Variants in PPM1H observed in about 807,000 individuals in gnomAD.
PPM1H encodes the protein protein phosphatase 1H.
A neutral mutation model predicts 54.9 loss-of-function variants in PPM1H; 27 were observed. That is an observed-to-expected ratio of 0.49 (90% CI 0.36 to 0.68). The LOEUF is 0.68. Ranked by LOEUF, PPM1H falls within the 30% of genes least tolerant of loss-of-function variation. The probability of loss-of-function intolerance (pLI) is 0.00; values close to 1 mark genes in which losing one functional copy is unlikely to be tolerated. For missense variants in PPM1H, 596 were observed against 667.8 expected (o/e 0.89, Z 1.19); for synonymous variants, 305 against 270.8 (o/e 1.13, Z -1.24).
rs149081123 is a variant in PPM1H at position 62,760,478 on chromosome 12, C to T, written c.870-22892G>A. 4.0e-3 allele frequency among the ~76,000 whole-genome samples: 602 copies of T among 152,256 alleles called. 6 individuals carry two copies. Among genetic ancestry groups the T allele is most frequent in the African/African-American group, 0.014 (579 of 41,550 alleles). The stretch of plus-strand genomic sequence containing the variant: ...TCCAACTCTTCTTCAGCCTCTGCTC[C>T]CCCACCCTATAACCCTTCTATTACC... On this transcript the variant is annotated intron_variant, in intron 4 of 9. Coordinates refer to ENST00000228705, the MANE Select transcript of PPM1H (RefSeq NM_020700.2).
chr12:62,687,816 C>T (rs1355526061), intron 8 of PPM1H, among the ~76,000 whole-genome samples: 1 of 152,030 alleles, frequency 6.6e-6, no homozygotes, highest in Non-Finnish European at 1.5e-5. Context: ...CAACACCAGC[C>T]TGGCCAACAT....
At chr12:62,698,221 T>G (rs1225262318) in intron 6 of PPM1H, among the ~76,000 whole-genome samples, 3 of 151,918 alleles carry the variant, frequency 2.0e-5, no homozygotes, top group African/African-American at 7.3e-5. Flanking sequence ...ACACCTAACC[T>G]TGGTTCCTGG....
chr12:62,666,379 G>GTTTC (rs3052431), intron 9 of PPM1H, among the ~76,000 whole-genome samples: 49,748 of 151,892 alleles, frequency 0.33, 9,825 homozygotes, highest in Middle Eastern at 0.57. Context: ...TCGAGAGGTA[G>GTTTC]TTTCTGTTTA....
intron 9 of PPM1H, among the ~76,000 whole-genome samples, chr12:62,658,043 TA>T (rs1335751138): frequency 9.7e-6 from 1 of 103,568 alleles, no homozygotes; most frequent in Non-Finnish European, 1.8e-5. Context: ...AGAGGGTCAT[TA>T]AATCCAGGTT....
At chr12:62,834,522 A>C (rs901719975) in intron 1 of PPM1H, among the ~76,000 whole-genome samples, 1 of 152,132 alleles carries the variant, frequency 6.6e-6, no homozygotes, top group Non-Finnish European at 1.5e-5. Context: ...TGACAGGTTG[A>C]GCTGGACTGT....
chr12:62,665,289 T>A (rs1304193431), intron 9 of PPM1H, among the ~76,000 whole-genome samples: 1 of 152,222 alleles, frequency 6.6e-6, no homozygotes, highest in African/African-American at 2.4e-5. Context: ...CCTCAGGTGA[T>A]CTGCCCGCCT....
intron 1 of PPM1H, among the ~76,000 whole-genome samples, chr12:62,884,787 T>C (rs1405630449): frequency 1.3e-5 from 2 of 152,156 alleles, no homozygotes; most frequent in Non-Finnish European, 2.9e-5. Flanking sequence ...TTGGGCATGG[T>C]AGAGTTGAAT....
At chr12:62,736,571 T>G (rs761283537) in intron 5 of PPM1H, among the ~76,000 whole-genome samples, 4 of 152,176 alleles carry the variant, frequency 2.6e-5, no homozygotes, top group Admixed American at 1.3e-4. Flanking sequence ...AACACAGACA[T>G]GGAAATGGAA....
At chr12:62,679,647 C>T (rs1389768970) in intron 8 of PPM1H, among the ~76,000 whole-genome samples, 1 of 152,018 alleles carries the variant, frequency 6.6e-6, no homozygotes, top group African/African-American at 2.4e-5. Flanking sequence ...ATTACTGGAA[C>T]CCTGGAAGCT....
chr12:62,932,651 T>TTTTTTTTTTTTTTTTTTA (rs1872181743), intron 1 of PPM1H, among the ~76,000 whole-genome samples: 1 of 136,452 alleles, frequency 7.3e-6, no homozygotes. Flanking sequence ...TTTTTTTTTT[T>TTTTTTTTTTTTTTTTTTA]GAGAAGGAGT....
intron 1 of PPM1H, among the ~76,000 whole-genome samples, chr12:62,873,165 C>T (rs1194716439): frequency 6.6e-6 from 1 of 152,168 alleles, no homozygotes; most frequent in Non-Finnish European, 1.5e-5. Flanking sequence ...CACATAGCCT[C>T]CACATGGAAA....
intron 8 of PPM1H, among the ~76,000 whole-genome samples, chr12:62,686,388 C>T (rs193133792): frequency 1.2e-4 from 18 of 152,216 alleles, no homozygotes; most frequent in Admixed American, 3.3e-4. Context: ...AAGACCTTTA[C>T]GGATGCTTTT....
intron 9 of PPM1H, among the ~76,000 whole-genome samples, chr12:62,665,306 CCCAAAGTGCTGGGATTACAGGG>C (rs1464987350): frequency 6.6e-6 from 1 of 152,194 alleles, no homozygotes; most frequent in Non-Finnish European, 1.5e-5. Context: ...GCCTCCACCT[CCCAAAGTGCTGGGATTACAGGG>C]ATGAGCCACA....
chr12:62,772,332 C>G (rs2076584037), intron 4 of PPM1H, among the ~76,000 whole-genome samples: 1 of 152,110 alleles, frequency 6.6e-6, no homozygotes, highest in South Asian at 2.1e-4. Context: ...AAACTCAGGC[C>G]CACGTGAGTT....
intron 3 of PPM1H, among the ~76,000 whole-genome samples, chr12:62,790,129 C>A (rs1480774404): frequency 6.6e-6 from 1 of 152,198 alleles, no homozygotes; most frequent in Non-Finnish European, 1.5e-5. Context: ...TTCAACCAGA[C>A]TCCTCATGGA....
rs2136587025 is a variant in PPM1H, at chr12:62,645,966, T to A, written c.*2523A>T. On this transcript the variant is annotated 3_prime_UTR_variant, in exon 10 of 10. Coordinates refer to ENST00000228705, the MANE Select transcript of PPM1H (RefSeq NM_020700.2). ...GTGACATGGGGCCTGGGTAAAAAAA[T>A]AAGGCCAAAACTGAGTAAGCTCAAT... 1 of 152,266 alleles carries A rather than the reference T, an allele frequency of 6.6e-6. No individual in the cohort carries two copies. Among genetic ancestry groups the A allele is most frequent in the East Asian group, 1.9e-4 (1 of 5,166 alleles). The allele number at this position is 152,266 out of a possible 1,614,324, so 9.4% of individuals were successfully genotyped here.
chr12:62,787,371 A>G (rs546680332), intron 4 of PPM1H, among the ~76,000 whole-genome samples: 13 of 152,334 alleles, frequency 8.5e-5, no homozygotes, highest in Non-Finnish European at 1.6e-4. Flanking sequence ...CTTTCGGAAT[A>G]AAGAGTCAGT....
chr12:62,648,296 T>G lies in PPM1H; in HGVS notation c.*193A>C. The G allele has an allele frequency of 1.6e-6, 1 of 630,030 alleles. No individual in the cohort carries two copies. Among genetic ancestry groups the G allele is most frequent in the Non-Finnish European group, 2.7e-6 (1 of 376,286 alleles). The allele number at this position is 630,030 out of a possible 1,614,324, so 39.0% of individuals were successfully genotyped here. A position where few individuals can be genotyped will look rare whatever the true frequency, so the allele number is the denominator to read the frequency against. On this transcript the variant is annotated 3_prime_UTR_variant, in exon 10 of 10. Coordinates refer to ENST00000228705, the MANE Select transcript of PPM1H (RefSeq NM_020700.2). ...GCCTTTGTGTTTTGCTCTTGTTGAG[T>G]TGACCTGTTACTAAAGAAGAAATGG...
intron 1 of PPM1H, among the ~76,000 whole-genome samples, chr12:62,907,026 TC>T (rs888855583): frequency 6.6e-6 from 1 of 152,216 alleles, no homozygotes; most frequent in Non-Finnish European, 1.5e-5. Flanking sequence ...CTGACCCATT[TC>T]CCCTACAGGG....
Sources: allele counts gnomAD v4.1 joint callset (sites outside exome capture counted in the v4.1 genomes callset), GRCh38; gene constraint gnomAD v4.1.1; transcripts MANE v1.5; gene names NCBI Gene and HGNC (gene_info 2026-07-23, HGNC 2026-07-21).